The following ANKHD1 variants were observed in gnomAD, a reference collection of about 807,000 sequenced individuals.
ANKHD1 encodes ankyrin repeat and KH domain containing 1, also known as ankyrin repeat and KH domain-containing protein 1.
In ANKHD1, 31 loss-of-function variants were observed where a neutral mutation model predicts 230.5. That is an observed-to-expected ratio of 0.13 (90% CI 0.10 to 0.18). The LOEUF (loss-of-function observed/expected upper bound fraction) is 0.18. ANKHD1 is among the 10% of genes least tolerant of loss of function. The pLI is 1.00. For missense variants in ANKHD1, 2,256 were observed against 3,071.3 expected, an observed-to-expected ratio of 0.73 and a Z score of 6.27; for synonymous variants, 1,074 against 1,117.6, an observed-to-expected ratio of 0.96 and a Z score of 0.78.
In ANKHD1 at chr5:140,529,363, C is replaced by A. The variant is rs769846234; in HGVS notation, c.6417C>A (p.Pro2139=). The A allele has an allele frequency of 6.2e-7, 1 of 1,614,162 alleles. No homozygotes were observed. The highest frequency in any genetic ancestry group is 1.1e-5 in the South Asian group (1 of 91,082). The change falls in exon 29 of 34, where the codon CCC becomes CCA. Residue 2139 remains proline (P), a synonymous_variant. Coordinates refer to ENST00000360839, the MANE Select transcript of ANKHD1 (RefSeq NM_017747.3). ...PAPRVSHRMQ[P]RGSFYSMVPN... ...CTCGAGTTTCTCATCGAATGCAGCCCAGAGGTTCTTTTTACTCCATGGTAC... is the reference window on the plus strand; with the variant it reads ...CTCGAGTTTCTCATCGAATGCAGCCAAGAGGTTCTTTTTACTCCATGGTAC...
rs970771814 is a variant in ANKHD1, at chr5:140,485,383, C to T, written c.1998+135C>T. Reference sequence around the variant, plus strand: ...ACTAGTCTAGGCAACATAAGGAGACCCCATCTCTATTAAAACACACACACA... The same window carrying T: ...ACTAGTCTAGGCAACATAAGGAGACTCCATCTCTATTAAAACACACACACA... On this transcript the variant is annotated intron_variant, in intron 12 of 33. Transcript: ENST00000360839. This position sits in a 1 kb window ranked among gnomAD's most constrained non-coding sequence, Gnocchi z 4.8. 2.3e-4 allele frequency: 209 copies of T among 901,766 alleles called. 1 individual carries two copies. Among genetic ancestry groups the T allele is most frequent in the Non-Finnish European group, 2.9e-4 (195 of 671,012 alleles). 55.9% of individuals were successfully genotyped at this position (901,766 alleles called of 1,614,324 possible).
At chr5:140,520,644 T>C (rs1011760401) in intron 24 of ANKHD1, among the ~76,000 whole-genome samples, 2 of 151,312 alleles carry the variant, frequency 1.3e-5, no homozygotes, top group Non-Finnish European at 1.5e-5. Context: ...ATGGATGAAA[T>C]TGGAAATCAT....
Position 140,526,908 on chromosome 5 carries a change from T to G in ANKHD1, c.4941-20T>G, listed in dbSNP as rs576834777. 21 of 1,600,438 alleles carry G rather than the reference T, an allele frequency of 1.3e-5. No individual in the cohort carries two copies. The African/African-American group carries it at 1.9e-4, about 14-fold the overall frequency. On this transcript the variant is annotated intron_variant, in intron 26 of 33. Coordinates refer to ENST00000360839, the MANE Select transcript of ANKHD1 (RefSeq NM_017747.3). Reference sequence around the variant, plus strand: ...CTTAAAACTTATCTTTTATTGTACTTGCTATTTGTCTCTTCTTAGACTTGA... The same window carrying G: ...CTTAAAACTTATCTTTTATTGTACTGGCTATTTGTCTCTTCTTAGACTTGA...
At position 140,537,445 on chromosome 5, in the gene ANKHD1, C is replaced by G; in HGVS notation, c.7084C>G (p.Arg2362Gly). Residue 2362 changes from arginine (R) to glycine (G), a missense_variant, in exon 31 of 34, where the codon CGA becomes GGA. Coordinates refer to ENST00000360839, the MANE Select transcript of ANKHD1 (RefSeq NM_017747.3). ...QPKGVSASQD[R>G]KIPPPIGTER... ...AAAAGGAGTCAGTGCCAGTCAAGAT[C>G]GAAAGATACCTCCCCCAATTGGAAC... The G allele has an allele frequency of 1.2e-6, 2 of 1,614,148 alleles. No homozygotes were observed. The highest frequency in any genetic ancestry group is 1.7e-6 in the Non-Finnish European group (2 of 1,180,034).
intron 1 of ANKHD1, among the ~76,000 whole-genome samples, chr5:140,421,188 C>A (rs761139041): frequency 2.0e-5 from 3 of 151,292 alleles, no homozygotes; most frequent in Non-Finnish European, 4.4e-5. Flanking sequence ...TAGTTGTCTT[C>A]TGAGTGGACT....
At chr5:140,460,757 G>A (rs998472422) in intron 9 of ANKHD1, among the ~76,000 whole-genome samples, 1 of 152,124 alleles carries the variant, frequency 6.6e-6, no homozygotes, top group Non-Finnish European at 1.5e-5. Flanking sequence ...CTGGGCTCAA[G>A]CAATCCTTCT....
chr5:140,430,183 C>T (rs1055508362), intron 1 of ANKHD1, among the ~76,000 whole-genome samples: 1 of 152,036 alleles, frequency 6.6e-6, no homozygotes, highest in Non-Finnish European at 1.5e-5. Context: ...AGGTTTTTGT[C>T]TTTAGTATTT....
chr5:140,491,160 A>ATATTTTTT (rs1282293062), intron 14 of ANKHD1, among the ~76,000 whole-genome samples: 6 of 45,658 alleles, frequency 1.3e-4, no homozygotes, highest in African/African-American at 5.8e-4. Flanking sequence ...ATATATATAT[A>ATATTTTTT]TTTTTTTTTT....
intron 24 of ANKHD1, among the ~76,000 whole-genome samples, chr5:140,523,495 T>C (rs1052800861): frequency 1.3e-5 from 2 of 152,022 alleles, no homozygotes; most frequent in African/African-American, 2.4e-5. Context: ...TTATATATTA[T>C]AGATACAAGT....
At chr5:140,537,229 ATTTTC>A in intron 30 of ANKHD1, 155 bp from the exon 31 acceptor site, 2 of 1,286,880 alleles carry the variant, frequency 1.6e-6, no homozygotes, top group Non-Finnish European at 2.0e-6. Context: ...TAAAATGAAA[ATTTTC>A]TTTACAGAAC....
intron 11 of ANKHD1, among the ~76,000 whole-genome samples, chr5:140,484,193 T>G (rs1259214694): frequency 6.6e-6 from 1 of 152,188 alleles, no homozygotes; most frequent in Admixed American, 6.6e-5. Flanking sequence ...TAGTAGTGGT[T>G]TTACCCACTG....
intron 7 of ANKHD1, among the ~76,000 whole-genome samples, chr5:140,454,123 C>T (rs1482368083): frequency 6.6e-6 from 1 of 152,142 alleles, no homozygotes; most frequent in Non-Finnish European, 1.5e-5. Context: ...AAGGCCATTA[C>T]ATAATGGTAA....
At chr5:140,464,910 C>T (rs1293712805) in intron 10 of ANKHD1, 134 bp downstream of exon 10, 1 of 852,356 alleles carries the variant, frequency 1.2e-6, no homozygotes, top group Non-Finnish European at 1.7e-6. Context: ...GCTACCTGTT[C>T]TAGTTGTTGT....
At chr5:140,473,469 C>G (rs1750782832) in intron 10 of ANKHD1, among the ~76,000 whole-genome samples, 1 of 151,074 alleles carries the variant, frequency 6.6e-6, no homozygotes, top group Non-Finnish European at 1.5e-5. Flanking sequence ...GAGACAGGGT[C>G]TCACTCTGTT....
Position 140,535,440 on chromosome 5 carries a change from G to C in ANKHD1, c.6929G>C (p.Gly2310Ala), listed in dbSNP as rs371350301. The C allele has an allele frequency of 6.2e-7, 1 of 1,613,576 alleles. No homozygotes were observed. Among genetic ancestry groups the C allele is most frequent in the African/African-American group, 1.3e-5 (1 of 74,846 alleles). Residue 2310 changes from glycine to alanine, a missense_variant, in exon 30 of 34, where the codon GGA becomes GCA. Physicochemically the swap from Gly to Ala is moderately conservative, Grantham distance 60. Transcript: ENST00000360839. ...APLASFSGIP[G>A]TRVFLQGPAP... The stretch of plus-strand genomic sequence containing the variant: ...CTGGCAAGTTTTTCCGGCATACCAG[G>C]AACAAGGGTTTTCCTGCAAGGGCCA...
At chr5:140,459,554 A>AT (rs1775551726) in intron 9 of ANKHD1, among the ~76,000 whole-genome samples, 199 bp downstream of exon 9, 1 of 152,170 alleles carries the variant, frequency 6.6e-6, no homozygotes, top group African/African-American at 2.4e-5. Flanking sequence ...GATAGGTGGA[A>AT]TAAGTTTTAA....
At chr5:140,477,043 G>A (rs1485618160) in intron 10 of ANKHD1, among the ~76,000 whole-genome samples, 1 of 152,102 alleles carries the variant, frequency 6.6e-6, no homozygotes, top group Admixed American at 6.6e-5. Flanking sequence ...CTGAATTAGA[G>A]TCAGAATCAA....
intron 15 of ANKHD1, among the ~76,000 whole-genome samples, chr5:140,499,778 G>C (rs185245999): frequency 6.6e-6 from 1 of 151,866 alleles, no homozygotes; most frequent in African/African-American, 2.4e-5. Context: ...GATTCTCAAA[G>C]TTCAAATGTC....
intron 24 of ANKHD1, among the ~76,000 whole-genome samples, chr5:140,522,824 C>T (rs2127079868): frequency 6.6e-6 from 1 of 152,234 alleles, no homozygotes. Context: ...TCCACATCCT[C>T]ACCAATATTA....
Sources: allele counts gnomAD v4.1 joint callset (sites outside exome capture counted in the v4.1 genomes callset), GRCh38; gene constraint gnomAD v4.1.1; non-coding constraint Gnocchi (gnomAD v3.1); transcripts MANE v1.5; gene names NCBI Gene and HGNC (gene_info 2026-07-23, HGNC 2026-07-21).